Variants in DOCK1 observed in about 807,000 individuals in gnomAD.
DOCK1 encodes the protein dedicator of cytokinesis 1.
A neutral mutation model predicts 262.7 loss-of-function variants in DOCK1; 138 were observed. The observed-to-expected ratio is 0.53, with a 90% CI of 0.46 to 0.61. DOCK1 has a LOEUF of 0.61. Among genes scored for constraint, DOCK1 ranks in the 20% least tolerant of loss-of-function variants. The pLI is 0.00. For synonymous variants in DOCK1, 866 were observed against 867.4 expected, an observed-to-expected ratio of 1.00 and a Z score of 0.03; for missense variants, 1,908 against 2,370.7, an observed-to-expected ratio of 0.80 and a Z score of 4.05.
At chr10:127,320,561 G>T (rs1176793242) in intron 29 of DOCK1, among the ~76,000 whole-genome samples, 1 of 152,212 alleles carries the variant, frequency 6.6e-6, no homozygotes, top group Non-Finnish European at 1.5e-5. Flanking sequence ...ACAGCAGTGT[G>T]AGGAATGGGC....
chr10:126,954,233 C>A (rs948259186), intron 1 of DOCK1, among the ~76,000 whole-genome samples: 27 of 152,314 alleles, frequency 1.8e-4, no homozygotes, highest in African/African-American at 6.5e-4. Context: ...AGGCTCAGAG[C>A]AGCACTGCTG....
At chr10:127,025,990 A>C (rs1591716840) in intron 15 of DOCK1, 1 of 232,160 alleles carries the variant, frequency 4.3e-6, no homozygotes. Context: ...CAGGAGGCGG[A>C]GGTTGTGGTG....
At chr10:126,913,038 C>CGAGG (rs2032044031) in intron 1 of DOCK1, among the ~76,000 whole-genome samples, 4 of 149,488 alleles carry the variant, frequency 2.7e-5, no homozygotes, top group African/African-American at 9.9e-5. Flanking sequence ...CTACTGGACT[C>CGAGG]GAGGGAGGTA....
In DOCK1 at chr10:127,175,428, G is replaced by C. The variant is rs758739317; in HGVS notation, c.2847+47664G>C. The C allele has an allele frequency of 1.2e-6, 2 of 1,612,924 alleles. No homozygotes were observed. Among genetic ancestry groups the C allele is most frequent in the Non-Finnish European group, 1.7e-6 (2 of 1,180,036 alleles). ...CAGCCCCGGCGGGGTGTGAGTCTGC[G>C]ACGGCTGCTCACTACATTCGGGGGA... is the stretch of plus-strand genomic sequence containing the variant. On this transcript the variant is annotated intron_variant, in intron 27 of 51. Coordinates refer to ENST00000623213, the MANE Select transcript of DOCK1 (RefSeq NM_001290223.2). This position sits in a 1 kb window ranked among gnomAD's most constrained non-coding sequence, Gnocchi z 6.3.
At chr10:127,217,516 A>G (rs2058265049) in intron 27 of DOCK1, among the ~76,000 whole-genome samples, 1 of 152,180 alleles carries the variant, frequency 6.6e-6, no homozygotes, top group African/African-American at 2.4e-5. Context: ...GCAAAAACAT[A>G]TCTTTATTTT....
chr10:127,030,376 C>T (rs1202727905), intron 16 of DOCK1, among the ~76,000 whole-genome samples: 1 of 152,142 alleles, frequency 6.6e-6, no homozygotes, highest in Non-Finnish European at 1.5e-5. Flanking sequence ...GCCTTTGGCC[C>T]TCGCTGTCTG....
intron 27 of DOCK1, among the ~76,000 whole-genome samples, chr10:127,178,958 C>G (rs532299310): frequency 3.3e-4 from 51 of 152,294 alleles, no homozygotes; most frequent in Admixed American, 1.6e-3. Context: ...TCACTCTGAT[C>G]TCCTATTCAT....
intron 10 of DOCK1, among the ~76,000 whole-genome samples, chr10:127,008,514 TA>T (rs1302892234): frequency 6.6e-6 from 1 of 152,218 alleles, no homozygotes; most frequent in East Asian, 1.9e-4. Flanking sequence ...AGGAAATTAT[TA>T]AATGGAACTC....
intron 27 of DOCK1, among the ~76,000 whole-genome samples, chr10:127,147,515 C>T (rs1456805895): frequency 6.6e-6 from 1 of 152,096 alleles, no homozygotes; most frequent in Admixed American, 6.5e-5. Flanking sequence ...ATACAGAGGG[C>T]TCTCTCTCGC....
intron 38 of DOCK1, among the ~76,000 whole-genome samples, chr10:127,390,774 C>G (rs2066428153): frequency 6.6e-6 from 1 of 151,216 alleles, no homozygotes; most frequent in African/African-American, 2.4e-5. Flanking sequence ...CCAGGTGTCT[C>G]ATTCATTTGT....
At chr10:127,034,529 C>G (rs926267961) in intron 18 of DOCK1, among the ~76,000 whole-genome samples, 1 of 152,046 alleles carries the variant, frequency 6.6e-6, no homozygotes, top group African/African-American at 2.4e-5. Context: ...CAACTTGGGA[C>G]TTGGTTATGG....
At chr10:126,931,941 A>G (rs2034221246) in intron 1 of DOCK1, among the ~76,000 whole-genome samples, 1 of 152,204 alleles carries the variant, frequency 6.6e-6, no homozygotes, top group African/African-American at 2.4e-5. Context: ...GAAAGGTAAC[A>G]AAGAATTGTC....
At chr10:127,434,151 T>C (rs2069500430) in intron 48 of DOCK1, among the ~76,000 whole-genome samples, 1 of 148,848 alleles carries the variant, frequency 6.7e-6, no homozygotes, top group Non-Finnish European at 1.5e-5. Context: ...CGGGCCTTCT[T>C]TTTTTTTTTT....
chr10:127,032,984 C>A (rs9418803), intron 18 of DOCK1, among the ~76,000 whole-genome samples: 62,110 of 152,132 alleles, frequency 0.41, 12,811 homozygotes, highest in South Asian at 0.57. Flanking sequence ...TGGAATCGGA[C>A]CATAGCCCTG....
intron 27 of DOCK1, among the ~76,000 whole-genome samples, chr10:127,191,173 C>T (rs541578931): frequency 2.0e-5 from 3 of 152,252 alleles, no homozygotes; most frequent in African/African-American, 7.2e-5. Flanking sequence ...CAAGCATCAC[C>T]CACGAAGTGA....
intron 23 of DOCK1, among the ~76,000 whole-genome samples, chr10:127,071,190 G>A (rs983123624): frequency 3.9e-5 from 6 of 152,102 alleles, no homozygotes; most frequent in African/African-American, 1.4e-4. Context: ...CTGGTCTGTG[G>A]CCCTGCAGAG....
At chr10:127,420,793 C>A (rs2068456673) in intron 46 of DOCK1, among the ~76,000 whole-genome samples, 1 of 151,244 alleles carries the variant, frequency 6.6e-6, no homozygotes. Flanking sequence ...GAGCTGAGAT[C>A]ACGCCACTGC....
At chr10:127,338,050 T>G (rs766739817) in intron 29 of DOCK1, among the ~76,000 whole-genome samples, 6 of 152,194 alleles carry the variant, frequency 3.9e-5, no homozygotes, top group South Asian at 2.1e-4. Context: ...GCTGAAGAGA[T>G]AATGCTGTCA....
intron 33 of DOCK1, among the ~76,000 whole-genome samples, chr10:127,365,292 T>C (rs1311098461): frequency 6.6e-6 from 1 of 152,242 alleles, no homozygotes; most frequent in Non-Finnish European, 1.5e-5. Flanking sequence ...ATAAATGTAA[T>C]TACGGATTTC....
Sources: allele counts gnomAD v4.1 joint callset (sites outside exome capture counted in the v4.1 genomes callset), GRCh38; gene constraint gnomAD v4.1.1; non-coding constraint Gnocchi (gnomAD v3.1); transcripts MANE v1.5; gene names NCBI Gene and HGNC (gene_info 2026-07-23, HGNC 2026-07-21).